The following GRHL2 variants were observed in gnomAD, a reference collection of about 807,000 sequenced individuals.
GRHL2 encodes grainyhead like transcription factor 2, also known as grainyhead-like protein 2 homolog.
Under a neutral mutation model 83.8 loss-of-function variants are expected in GRHL2, and 21 were observed. The ratio of observed to expected loss-of-function variants is 0.25; its 90% CI spans 0.18 to 0.36. The LOEUF is 0.36. GRHL2 is among the 10% of genes least tolerant of loss of function. The probability of loss-of-function intolerance (pLI) is 1.00; values close to 1 mark genes in which losing one functional copy is unlikely to be tolerated. For synonymous variants in GRHL2, 280 were observed against 278.9 expected (o/e 1.00, Z -0.04); for missense variants, 623 against 781.8 (o/e 0.80, Z 2.42).
intron 14 of GRHL2, among the ~76,000 whole-genome samples, chr8:101,652,340 T>TG (rs1813647084): frequency 1.3e-5 from 1 of 77,476 alleles, no homozygotes; most frequent in Admixed American, 1.4e-4. Flanking sequence ...GGTGTGTGTG[T>TG]ATGTGTGTGG....
intron 1 of GRHL2, among the ~76,000 whole-genome samples, chr8:101,541,673 C>G (rs1005481418): frequency 6.6e-6 from 1 of 152,002 alleles, no homozygotes; most frequent in African/African-American, 2.4e-5. Flanking sequence ...GGTTCCATTT[C>G]AATGAACAAG....
chr8:101,631,816 A>T, intron 10 of GRHL2, 92 bp downstream of exon 10: 2 of 1,002,120 alleles, frequency 2.0e-6, no homozygotes, highest in South Asian at 1.3e-5. Flanking sequence ...GTTGCAGGTA[A>T]AACTGCATAC....
chr8:101,532,886 A>G (rs1055310842), intron 1 of GRHL2, among the ~76,000 whole-genome samples: 3 of 152,166 alleles, frequency 2.0e-5, no homozygotes, highest in Non-Finnish European at 4.4e-5. Context: ...GACAGAGTAC[A>G]TAGCATGAAA....
At chr8:101,677,315 G>T in the GRHL2 span, among the ~76,000 whole-genome samples, 41,664 of 151,646 alleles carry the variant, frequency 0.27, 6,273 homozygotes, top group African/African-American at 0.38. Context: ...AGAACTTGAT[G>T]TCTGTTCTGC....
chr8:101,502,406 C>T (rs58411015), intron 1 of GRHL2, among the ~76,000 whole-genome samples: 42 of 152,236 alleles, frequency 2.8e-4, no homozygotes, highest in African/African-American at 6.0e-4. Flanking sequence ...CCAAAATCAA[C>T]GGTGGTCTGA....
intron 3 of GRHL2, among the ~76,000 whole-genome samples, chr8:101,556,595 TC>T (rs1286500404): frequency 1.1e-4 from 16 of 152,308 alleles, no homozygotes; most frequent in African/African-American, 3.6e-4. Context: ...ATATTCTACA[TC>T]CTCTCCTTTC....
chr8:101,657,781 A>T (rs149607780), intron 14 of GRHL2, among the ~76,000 whole-genome samples: 3,314 of 151,482 alleles, frequency 0.022, 129 homozygotes, highest in African/African-American at 0.075. Context: ...CGGAGCTTGC[A>T]GTGAGCGGAG....
chr8:101,675,681 A>C, the GRHL2 span, among the ~76,000 whole-genome samples: 1 of 152,138 alleles, frequency 6.6e-6, no homozygotes, highest in Non-Finnish European at 1.5e-5. Flanking sequence ...GCTACCAATG[A>C]CTTTCTTCAC....
At chr8:101,590,014 G>GAAT (rs1053379443) in intron 7 of GRHL2, among the ~76,000 whole-genome samples, 4 of 151,946 alleles carry the variant, frequency 2.6e-5, no homozygotes, top group African/African-American at 9.7e-5. Context: ...TATGAGGTGG[G>GAAT]AATAATAATA....
chr8:101,604,446 G>A (rs943682539), intron 8 of GRHL2, among the ~76,000 whole-genome samples: 7 of 151,964 alleles, frequency 4.6e-5, no homozygotes, highest in African/African-American at 1.7e-4. Context: ...TTTTGTCCAG[G>A]GCTGTTTTCT....
intron 4 of GRHL2, among the ~76,000 whole-genome samples, chr8:101,561,775 T>C (rs1586097031): frequency 6.6e-6 from 1 of 152,338 alleles, no homozygotes; most frequent in East Asian, 1.9e-4. Context: ...TAGTTTTAAG[T>C]AGAATTTTCA....
intron 13 of GRHL2, among the ~76,000 whole-genome samples, chr8:101,644,838 GC>G (rs1321462623): frequency 2.6e-5 from 4 of 150,994 alleles, no homozygotes; most frequent in African/African-American, 9.8e-5. Context: ...CCAAGACCTA[GC>G]CAGTACTGGA....
intron 14 of GRHL2, among the ~76,000 whole-genome samples, chr8:101,652,351 T>TG (rs1813650290): frequency 1.2e-5 from 1 of 83,294 alleles, no homozygotes; most frequent in African/African-American, 8.2e-5. Context: ...ATGTGTGTGG[T>TG]GTGTGTGGTG....
chr8:101,589,231 C>A (rs896254953), intron 7 of GRHL2, among the ~76,000 whole-genome samples: 1 of 152,184 alleles, frequency 6.6e-6, no homozygotes, highest in South Asian at 2.1e-4. Context: ...CTGTCAGAAA[C>A]TGCCAGGTAC....
At chr8:101,673,498 C>T (rs1226025878), downstream of GRHL2, among the ~76,000 whole-genome samples, 2 of 143,802 alleles carry the variant, frequency 1.4e-5, no homozygotes, top group Non-Finnish European at 3.0e-5. Context: ...ACAAGAAGAG[C>T]TAACTATCCT....
At chr8:101,499,409 C>T (rs1810177138) in intron 1 of GRHL2, among the ~76,000 whole-genome samples, 1 of 152,098 alleles carries the variant, frequency 6.6e-6, no homozygotes, top group East Asian at 1.9e-4. Context: ...TTCTTTCCTT[C>T]CTTGGTTTGT....
At chr8:101,662,429 A>G (rs1434571610) in intron 14 of GRHL2, among the ~76,000 whole-genome samples, 1 of 152,180 alleles carries the variant, frequency 6.6e-6, no homozygotes, top group Non-Finnish European at 1.5e-5. Flanking sequence ...GGTGAGATAG[A>G]TGGAAGGGTG....
At chr8:101,645,755 T>G (rs1024215969) in intron 13 of GRHL2, among the ~76,000 whole-genome samples, 5 of 152,194 alleles carry the variant, frequency 3.3e-5, no homozygotes, top group African/African-American at 4.8e-5. Flanking sequence ...AGTTTTATTA[T>G]TAGTAACTAG....
Position 101,604,019 on chromosome 8 carries a change from CAAAAA to C in GRHL2, c.1098+4880_1098+4884del, listed in dbSNP as rs541635465. On this transcript the variant is annotated intron_variant, in intron 8 of 15. Coordinates refer to ENST00000646743, the MANE Select transcript of GRHL2 (RefSeq NM_024915.4). Reference sequence around the variant, plus strand: ...CTTCCCCTGTTGAGTTTTTTTTTTGCAAAAAAAAAAAAAAAAGCCATAAAACAATG... The same window carrying C: ...CTTCCCCTGTTGAGTTTTTTTTTTGCAAAAAAAAAAAGCCATAAAACAATG... Among the ~76,000 whole-genome samples, 330 of 91,774 alleles carry C rather than the reference CAAAAA, an allele frequency of 3.6e-3. 10 individuals carry two copies. The East Asian group carries it at 0.086, about 24-fold the overall frequency. 60.2% of individuals were successfully genotyped at this position (91,774 alleles called of 152,430 possible).
Sources: gnomAD v4.1 joint callset for allele counts (sites outside exome capture counted in the v4.1 genomes callset) on GRCh38, gnomAD v4.1.1 for gene constraint, MANE v1.5 for transcripts, NCBI Gene and HGNC (gene_info 2026-07-23, HGNC 2026-07-21) for gene names.